Variants in PGAM5 observed in about 807,000 individuals in gnomAD.
The protein encoded by PGAM5 is serine/threonine-protein phosphatase PGAM5, mitochondrial.
PGAM5 carries 25 observed loss-of-function variants against 30.6 expected under a neutral mutation model. That is an observed-to-expected ratio of 0.82 (90% CI 0.60 to 1.14). PGAM5 has a LOEUF of 1.14. Ranked by LOEUF, PGAM5 falls within the 50% of genes most tolerant of loss-of-function variation. The pLI is 0.00. For missense variants in PGAM5, 384 were observed against 408.5 expected, an observed-to-expected ratio of 0.94 and a Z score of 0.52; for synonymous variants, 201 against 179.1, an observed-to-expected ratio of 1.12 and a Z score of -0.98.
rs2043639583 is a variant in PGAM5 at position 132,721,001 on chromosome 12, G to C, written c.*173G>C. The C allele has an allele frequency of 3.7e-6, 3 of 806,250 alleles. No individual in the cohort carries two copies. The African/African-American group carries it at 5.2e-5, about 14-fold the overall frequency. 49.9% of individuals were successfully genotyped at this position (806,250 alleles called of 1,614,324 possible). A position where few individuals can be genotyped will look rare whatever the true frequency, so the allele number is the denominator to read the frequency against. ...GATCAGACAGCCTGACTTCTCTGCA[G>C]GGTTTTATACCTGACCATGAACCCC... On this transcript the variant is annotated 3_prime_UTR_variant, in exon 6 of 6. Coordinates refer to ENST00000498926, the MANE Select transcript of PGAM5 (RefSeq NM_001170543.2).
At chr12:132,716,872 G>A (rs950776486) in intron 2 of PGAM5, among the ~76,000 whole-genome samples, 8 of 152,234 alleles carry the variant, frequency 5.3e-5, no homozygotes, top group Non-Finnish European at 1.2e-4. Context: ...AGAAAGTGGA[G>A]TGACAGATGC....
rs981023100 is a variant in PGAM5, at chr12:132,714,700, G to C, written c.192-158G>C. The C allele has an allele frequency of 7.2e-5, 51 of 712,610 alleles. No homozygotes were observed. The South Asian group carries it at 9.2e-4, about 13-fold the overall frequency. The allele number at this position is 712,610 out of a possible 1,614,324, so 44.1% of individuals were successfully genotyped here. A position where few individuals can be genotyped will look rare whatever the true frequency, so the allele number is the denominator to read the frequency against. ...CTAGCTTTGTGGGAGGGAGAGTGGC[G>C]GTATGCTCAGAGAGGCCTCCCCAGG... On this transcript the variant is annotated intron_variant, in intron 1 of 5. Coordinates refer to ENST00000498926, the MANE Select transcript of PGAM5 (RefSeq NM_001170543.2).
At position 132,717,767 on chromosome 12, in the gene PGAM5, C is replaced by T. The variant is rs2043596676; in HGVS notation, c.554C>T (p.Pro185Leu). 4 of 1,587,682 alleles carry T rather than the reference C, an allele frequency of 2.5e-6. No homozygotes were observed. Among genetic ancestry groups the T allele is most frequent in the Admixed American group, 1.8e-5 (1 of 56,374 alleles). Reference sequence around the variant, plus strand: ...GAAGGCGCCCCCATCGAGCCAGACCCGCCCGTGTCTCATTGGAAGCCGGAA... The same window carrying T: ...GAAGGCGCCCCCATCGAGCCAGACCTGCCCGTGTCTCATTGGAAGCCGGAA... ...LREGAPIEPD[P>L]PVSHWKPEAV... The change falls in exon 4 of 6, where the codon CCG (proline) becomes CTG (leucine). Residue 185 changes from proline to leucine, a missense_variant. Coordinates refer to ENST00000498926, the MANE Select transcript of PGAM5 (RefSeq NM_001170543.2).
rs185731722 is a variant in PGAM5, at chr12:132,713,679, T to C, written c.192-1179T>C. Among the ~76,000 whole-genome samples, 356 of 152,318 alleles carry C rather than the reference T, an allele frequency of 2.3e-3. 2 individuals carry two copies. The highest frequency in any genetic ancestry group is 8.2e-3 in the African/African-American group (341 of 41,578). ...CAGCTCTGCCGCGTTGAACTTTTTT[T>C]GTTGCTGTTGAGACAGGGTCTCGCT... On this transcript the variant is annotated intron_variant, in intron 1 of 5. Transcript: ENST00000498926.
chr12:132,718,374 GTGC>G (rs2043605301), intron 5 of PGAM5, among the ~76,000 whole-genome samples: 2 of 121,584 alleles, frequency 1.6e-5, no homozygotes, highest in African/African-American at 3.8e-5. Flanking sequence ...CCTGGGTGGG[GTGC>G]GTGCTGGGTG....
chr12:132,718,921 G>A, intron 5 of PGAM5: 1 of 1,574,920 alleles, frequency 6.3e-7, no homozygotes. Flanking sequence ...TTGCTGCTCG[G>A]GCTGCTCCCT....
In PGAM5 at chr12:132,718,195, G is replaced by A. The variant is rs144688037; in HGVS notation, c.719+75G>A. Reference sequence around the variant, plus strand: ...GAAAAGCATGAGGAAGAAGCCGAGCGAGACCCTCCTCCACTGCCGATGCCA... The same window carrying A: ...GAAAAGCATGAGGAAGAAGCCGAGCAAGACCCTCCTCCACTGCCGATGCCA... On this transcript the variant is annotated intron_variant, in intron 5 of 5. Transcript: ENST00000498926. 2.2e-4 allele frequency: 353 copies of A among 1,574,978 alleles called. No homozygotes were observed. In the African/African-American group the frequency reaches 3.4e-3, roughly 15 times the overall value.
rs907113508 is a variant in PGAM5, at chr12:132,721,575, G to A, written c.*747G>A. The A allele has an allele frequency of 6.6e-6, 1 of 152,220 alleles. No homozygotes were observed. The highest frequency in any genetic ancestry group is 1.5e-5 in the Non-Finnish European group (1 of 68,054). 9.4% of individuals were successfully genotyped at this position (152,220 alleles called of 1,614,324 possible). On this transcript the variant is annotated 3_prime_UTR_variant, in exon 6 of 6. Transcript: ENST00000498926. Reference sequence around the variant, plus strand: ...TGTCACTGCACTCCAGCCTGGGCAAGCGAGGGAGACTTAAAGCAATTTTTT... The same window carrying A: ...TGTCACTGCACTCCAGCCTGGGCAAACGAGGGAGACTTAAAGCAATTTTTT...
intron 5 of PGAM5, among the ~76,000 whole-genome samples, chr12:132,719,397 G>A (rs2043621123): frequency 6.6e-6 from 1 of 152,228 alleles, no homozygotes; most frequent in African/African-American, 2.4e-5. Context: ...AGTCGAGGAT[G>A]TACGGGCCGA....
intron 2 of PGAM5, 53 bp from the exon 3 acceptor site, chr12:132,717,386 G>C: frequency 1.1e-5 from 17 of 1,576,650 alleles, no homozygotes; most frequent in Non-Finnish European, 1.5e-5. Flanking sequence ...GGGGGTGTTT[G>C]AGGGTGGAGG....
chr12:132,719,994 T>A (rs2043626507), intron 5 of PGAM5, among the ~76,000 whole-genome samples: 1 of 152,206 alleles, frequency 6.6e-6, no homozygotes, highest in Non-Finnish European at 1.5e-5. Flanking sequence ...TAAACTGTGT[T>A]TCCTCGTAAG....
chr12:132,719,088 G>A (rs1186583386), intron 5 of PGAM5: 3 of 1,399,796 alleles, frequency 2.1e-6, no homozygotes, highest in Admixed American at 3.1e-5. Flanking sequence ...CCCTTGGGGG[G>A]CAGGGCCAGC....
At chr12:132,714,739 CCTTGT>C (rs1211215036) in intron 1 of PGAM5, 114 bp from the exon 2 acceptor site, 2 of 1,166,214 alleles carry the variant, frequency 1.7e-6, no homozygotes, top group African/African-American at 1.5e-5. Flanking sequence ...GTGCCAAGGG[CCTTGT>C]CTTCTCTCCA....
intron 2 of PGAM5, among the ~76,000 whole-genome samples, 172 bp downstream of exon 2, chr12:132,715,208 C>T (rs959973115): frequency 6.6e-6 from 1 of 152,244 alleles, no homozygotes; most frequent in African/African-American, 2.4e-5. Context: ...CCGAGACCAT[C>T]ACCCCTGAAT....
intron 5 of PGAM5, among the ~76,000 whole-genome samples, chr12:132,719,972 A>T (rs1483410119): frequency 1.3e-5 from 2 of 152,242 alleles, no homozygotes; most frequent in Non-Finnish European, 2.9e-5. Context: ...TTTATATGGG[A>T]AAAGCAGAAA....
In PGAM5 at chr12:132,720,654, TTCTCTC is replaced by T. The variant is rs550724872; in HGVS notation, c.720-11_720-6del. ...GAGCCCCCTGGCTCTAACGTGCTCT[TTCTCTC>T]TCTCTCTCTCTCCCCAGAGCACTGC... On this transcript the variant is annotated intron_variant, in intron 5 of 5. Transcript: ENST00000498926. The T allele has an allele frequency of 1.8e-5, 26 of 1,441,300 alleles. No homozygotes were observed. Among genetic ancestry groups the T allele is most frequent in the East Asian group, 5.3e-5 (2 of 38,026 alleles). The allele number at this position is 1,441,300 out of a possible 1,614,324, so 89.3% of individuals were successfully genotyped here.
At chr12:132,715,368 C>G (rs1321741121) in intron 2 of PGAM5, among the ~76,000 whole-genome samples, 2 of 150,100 alleles carry the variant, frequency 1.3e-5, no homozygotes, top group Non-Finnish European at 3.0e-5. Context: ...GTCAGGAATT[C>G]GAGACCAGCC....
At chr12:132,712,939 C>G (rs2043536646) in intron 1 of PGAM5, among the ~76,000 whole-genome samples, 1 of 151,900 alleles carries the variant, frequency 6.6e-6, no homozygotes, top group South Asian at 2.1e-4. Flanking sequence ...GGGCGGATCA[C>G]TTGAGGTCAG....
At chr12:132,715,507 CT>C (rs2043566844) in intron 2 of PGAM5, among the ~76,000 whole-genome samples, 1 of 148,260 alleles carries the variant, frequency 6.7e-6, no homozygotes, top group South Asian at 2.1e-4. Context: ...GGAGGCGGAG[CT>C]TGCAGTGAGC....
Sources: gnomAD v4.1 joint callset for allele counts (sites outside exome capture counted in the v4.1 genomes callset) on GRCh38, gnomAD v4.1.1 for gene constraint, MANE v1.5 for transcripts, NCBI Gene and HGNC (gene_info 2026-07-23, HGNC 2026-07-21) for gene names.